SLC16A12: variants seen among roughly 807,000 people sequenced by gnomAD.
The protein encoded by SLC16A12 is solute carrier family 16 member 12, also known as monocarboxylate transporter 12.
A neutral mutation model predicts 42.4 loss-of-function variants in SLC16A12; 17 were observed. That is an observed-to-expected ratio of 0.40 (90% CI 0.27 to 0.60). SLC16A12 has a LOEUF of 0.60. Ranked by LOEUF, SLC16A12 falls within the 20% of genes least tolerant of loss-of-function variation. SLC16A12 has a pLI of 0.42. For synonymous variants in SLC16A12, 224 were observed against 229.4 expected (o/e 0.98, Z 0.21); for missense variants, 544 against 623.0 (o/e 0.87, Z 1.35).
intron 2 of SLC16A12, among the ~76,000 whole-genome samples, chr10:89,486,653 AAGAAAGAAAGAAAAG>A (rs1842755776): frequency 8.2e-6 from 1 of 122,078 alleles, no homozygotes; most frequent in African/African-American, 3.1e-5. Flanking sequence ...GAAAGAAAGA[AAGAAAGAAAGAAAAG>A]AAAGAAAGAA....
At chr10:89,522,917 C>A (rs758118280) in intron 2 of SLC16A12, among the ~76,000 whole-genome samples, 1 of 152,162 alleles carries the variant, frequency 6.6e-6, no homozygotes, top group Non-Finnish European at 1.5e-5. Flanking sequence ...CAAGTGAGAC[C>A]TTAGATGGGA....
At chr10:89,538,484 T>C (rs144475272), upstream of SLC16A12, among the ~76,000 whole-genome samples, 3 of 152,342 alleles carry the variant, frequency 2.0e-5, no homozygotes, top group East Asian at 5.8e-4. Flanking sequence ...ATGTCTACCA[T>C]ACTGGATAGC....
At chr10:89,467,531 C>T (rs767624519) in intron 2 of SLC16A12, among the ~76,000 whole-genome samples, 5 of 151,934 alleles carry the variant, frequency 3.3e-5, no homozygotes, top group African/African-American at 1.2e-4. Context: ...CAATTCATTA[C>T]AATTATAAAC....
At chr10:89,510,893 C>G (rs1843152170) in intron 2 of SLC16A12, among the ~76,000 whole-genome samples, 1 of 152,002 alleles carries the variant, frequency 6.6e-6, no homozygotes, top group Non-Finnish European at 1.5e-5. Context: ...AAGAAAAAAA[C>G]AAACAACCCC....
At position 89,462,443 on chromosome 10, in the gene SLC16A12, C is replaced by G. The variant is rs759211170; in HGVS notation, c.136G>C (p.Gly46Arg). The change falls in exon 3 of 8, where the codon GGC (glycine) becomes CGC (arginine). Residue 46 changes from glycine (G) to arginine (R), a missense_variant. Gly to Arg is a moderately radical substitution (Grantham distance 125, BLOSUM62 -2). Transcript: ENST00000371790. ...CCAGCCACAATCATCCAGCCCCAGCCTCCATCTGGAGGGGAGGTAGACCGA... is the reference window on the plus strand; with the variant it reads ...CCAGCCACAATCATCCAGCCCCAGCGTCCATCTGGAGGGGAGGTAGACCGA... ...RARSTSPPDG[G>R]WGWMIVAGCF... 6.2e-7 allele frequency: 1 copy of G among 1,614,086 alleles called. No individual in the cohort carries two copies. The highest frequency in any genetic ancestry group is 8.5e-7 in the Non-Finnish European group (1 of 1,179,958).
At chr10:89,517,549 AATC>A (rs1280872113) in intron 2 of SLC16A12, among the ~76,000 whole-genome samples, 5 of 152,004 alleles carry the variant, frequency 3.3e-5, no homozygotes, top group African/African-American at 1.2e-4. Context: ...AGACTCAAGG[AATC>A]CTCCTGCCTT....
At position 89,439,061 on chromosome 10, in the gene SLC16A12, C is replaced by G. The variant is rs769496956; in HGVS notation, c.571G>C (p.Ala191Pro). 1 of 1,613,364 alleles carries G rather than the reference C, an allele frequency of 6.2e-7. No homozygotes were observed. Among genetic ancestry groups the G allele is most frequent in the Non-Finnish European group, 8.5e-7 (1 of 1,179,688 alleles). The change falls in exon 6 of 8, where the codon GCT becomes CCT. Residue 191 changes from alanine to proline, a missense_variant. By Grantham distance (27) the Ala-to-Pro change is conservative (BLOSUM62 -1). Coordinates refer to ENST00000371790, the MANE Select transcript of SLC16A12 (RefSeq NM_213606.4). ...SGSGIGTFILAPVVQLLIEQF... is the reference protein window; with the variant it reads ...SGSGIGTFILPPVVQLLIEQF... ...TCAATAAGGAGCTGAACCACAGGAG[C>G]CAGGATGAAGGTGCCAATGCCACTT...
At chr10:89,466,028 G>C (rs898606498) in intron 2 of SLC16A12, among the ~76,000 whole-genome samples, 3 of 152,168 alleles carry the variant, frequency 2.0e-5, no homozygotes, top group Non-Finnish European at 4.4e-5. Flanking sequence ...CAAAGTTAAT[G>C]AGCCAATACC....
At chr10:89,520,710 T>C (rs1206969504) in intron 2 of SLC16A12, among the ~76,000 whole-genome samples, 2 of 115,016 alleles carry the variant, frequency 1.7e-5, no homozygotes, top group Non-Finnish European at 3.3e-5. Flanking sequence ...CATTACTGGG[T>C]CACATAGGCC....
intron 2 of SLC16A12, among the ~76,000 whole-genome samples, chr10:89,551,500 T>C (rs182475659): frequency 6.3e-4 from 96 of 152,318 alleles, no homozygotes; most frequent in Non-Finnish European, 1.0e-3. Flanking sequence ...CCAGTGCTGA[T>C]GGAGCACATT....
intron 3 of SLC16A12, among the ~76,000 whole-genome samples, chr10:89,457,916 G>A (rs1842223317): frequency 1.3e-5 from 2 of 152,166 alleles, no homozygotes; most frequent in Non-Finnish European, 2.9e-5. Context: ...GGTGTTCTGA[G>A]TTATCCTAAA....
At chr10:89,518,249 T>C (rs1843289271) in intron 2 of SLC16A12, among the ~76,000 whole-genome samples, 1 of 152,090 alleles carries the variant, frequency 6.6e-6, no homozygotes, top group South Asian at 2.1e-4. Context: ...CACAAATAGC[T>C]CTCCTTTCCC....
intron 3 of SLC16A12, among the ~76,000 whole-genome samples, chr10:89,460,494 C>T (rs540482392): frequency 8.6e-5 from 13 of 151,878 alleles, no homozygotes; most frequent in African/African-American, 3.1e-4. Flanking sequence ...GAGGCTGAGG[C>T]GGGTGGATCA....
At chr10:89,539,201 AT>A (rs959975697), upstream of SLC16A12, among the ~76,000 whole-genome samples, 8 of 151,900 alleles carry the variant, frequency 5.3e-5, no homozygotes, top group African/African-American at 1.2e-4. Context: ...GACATTGAAT[AT>A]TTTTTTTCTT....
In SLC16A12 at chr10:89,433,096, C is replaced by A; in HGVS notation, c.1519G>T (p.Ala507Ser). 6.2e-7 allele frequency: 1 copy of A among 1,614,186 alleles called. No homozygotes were observed. The highest frequency in any genetic ancestry group is 1.1e-5 in the South Asian group (1 of 91,082). The change falls in exon 8 of 8, where the codon GCT (alanine) becomes TCT (serine). Residue 507 changes from alanine (A) to serine (S), a missense_variant. By Grantham distance (99) the Ala-to-Ser change is moderately conservative. Coordinates refer to ENST00000371790, the MANE Select transcript of SLC16A12 (RefSeq NM_213606.4). The stretch of plus-strand genomic sequence containing the variant: ...AGGCTGTAGCCAGGCACTGCTGTAG[C>A]CACAGGCTCCCCATGTTTCTGATCT... ...ELDQKHGEPV[A>S]TAVPGYSLT
intron 2 of SLC16A12, chr10:89,467,880 A>G (rs1213782967): frequency 2.0e-5 from 3 of 152,208 alleles, no homozygotes; most frequent in Non-Finnish European, 4.4e-5. Context: ...CACATTGAAA[A>G]TGAGGTGATT....
chr10:89,471,237 T>C (rs1007149908), intron 2 of SLC16A12, among the ~76,000 whole-genome samples: 1 of 152,148 alleles, frequency 6.6e-6, no homozygotes, highest in Non-Finnish European at 1.5e-5. Context: ...CCCCAGACAT[T>C]CCCTCATGCT....
chr10:89,453,498 C>A (rs1437520352), intron 3 of SLC16A12, among the ~76,000 whole-genome samples: 2 of 152,062 alleles, frequency 1.3e-5, no homozygotes, highest in Non-Finnish European at 2.9e-5. Context: ...TTTTACTGTA[C>A]CTTTTCTATG....
intron 2 of SLC16A12, among the ~76,000 whole-genome samples, chr10:89,500,623 A>G (rs976428126): frequency 1.3e-5 from 2 of 152,186 alleles, no homozygotes; most frequent in African/African-American, 4.8e-5. Context: ...TCCTCAGCAA[A>G]ATCGGCATAC....
Sources: allele counts gnomAD v4.1 joint callset (sites outside exome capture counted in the v4.1 genomes callset), GRCh38; gene constraint gnomAD v4.1.1; transcripts MANE v1.5; gene names NCBI Gene and HGNC (gene_info 2026-07-23, HGNC 2026-07-21).